The following STXBP5L variants were observed in gnomAD, a reference collection of about 807,000 sequenced individuals.
The protein encoded by STXBP5L is syntaxin-binding protein 5-like.
A neutral mutation model predicts 144.5 loss-of-function variants in STXBP5L; 65 were observed. That is an observed-to-expected ratio of 0.45 (90% confidence interval 0.37 to 0.55). The LOEUF is 0.55. STXBP5L is among the 20% of genes least tolerant of loss of function. STXBP5L has a pLI of 0.00. For missense variants in STXBP5L, 1,298 were observed against 1,405.5 expected (o/e 0.92, Z 1.22); for synonymous variants, 505 against 469.6 (o/e 1.08, Z -0.97).
intron 2 of STXBP5L, among the ~76,000 whole-genome samples, chr3:120,945,073 A>G (rs1013753755): frequency 4.0e-5 from 6 of 151,866 alleles, no homozygotes. Context: ...TGTGTCCATC[A>G]CGTTCCTTAC....
intron 3 of STXBP5L, among the ~76,000 whole-genome samples, chr3:120,958,803 G>A (rs535652921): frequency 9.2e-5 from 14 of 152,286 alleles, no homozygotes; most frequent in Non-Finnish European, 1.6e-4. Context: ...ATATTATACT[G>A]AATGGGCAAA....
intron 3 of STXBP5L, among the ~76,000 whole-genome samples, chr3:120,962,719 C>A (rs1199306751): frequency 1.3e-5 from 2 of 152,170 alleles, no homozygotes; most frequent in Non-Finnish European, 2.9e-5. Context: ...ATGATGGCTC[C>A]AGCTTTGTTC....
At chr3:121,212,984 T>C (rs111412002) in intron 10 of STXBP5L, among the ~76,000 whole-genome samples, 22,060 of 152,196 alleles carry the variant, frequency 0.14, 1,772 homozygotes, top group Non-Finnish European at 0.19. Flanking sequence ...CAATTGTGAA[T>C]GTAAGTTCAC....
At chr3:121,278,432 G>A (rs985566987) in intron 18 of STXBP5L, among the ~76,000 whole-genome samples, 1 of 151,650 alleles carries the variant, frequency 6.6e-6, no homozygotes, top group Admixed American at 6.6e-5. Flanking sequence ...ATTATTTATG[G>A]TATATAGAAT....
intron 20 of STXBP5L, among the ~76,000 whole-genome samples, chr3:121,333,371 A>C (rs1264512570): frequency 6.6e-6 from 1 of 152,174 alleles, no homozygotes; most frequent in Non-Finnish European, 1.5e-5. Context: ...GACACGGCTA[A>C]GTCAGTGTTA....
intron 15 of STXBP5L, among the ~76,000 whole-genome samples, chr3:121,253,810 CTTTTTTTT>C (rs34678687): frequency 1.1e-5 from 1 of 95,080 alleles, no homozygotes; most frequent in Non-Finnish European, 1.9e-5. Flanking sequence ...TTTTTTTTTT[CTTTTTTTT>C]TTTTTTTTGT....
chr3:121,087,226 A>C (rs529833874), intron 5 of STXBP5L, among the ~76,000 whole-genome samples: 2 of 152,066 alleles, frequency 1.3e-5, no homozygotes, highest in Non-Finnish European at 2.9e-5. Flanking sequence ...CTTGCATTCT[A>C]TATCCTTACT....
At chr3:121,098,945 C>T (rs907220738) in intron 5 of STXBP5L, among the ~76,000 whole-genome samples, 2 of 152,158 alleles carry the variant, frequency 1.3e-5, no homozygotes, top group Non-Finnish European at 2.9e-5. Context: ...CCTCCCACCT[C>T]ACAGATCCTG....
chr3:120,966,593 C>T (rs539936658), intron 3 of STXBP5L, among the ~76,000 whole-genome samples: 4 of 152,268 alleles, frequency 2.6e-5, no homozygotes, highest in African/African-American at 7.2e-5. Flanking sequence ...GTCCTGTTTG[C>T]CTGGGTATCA....
At chr3:120,920,448 G>A (rs1301326297) in intron 2 of STXBP5L, among the ~76,000 whole-genome samples, 1 of 151,640 alleles carries the variant, frequency 6.6e-6, no homozygotes. Context: ...TATCAAATCA[G>A]TATAATTGGG....
At chr3:121,168,046 G>T (rs555350675) in intron 9 of STXBP5L, among the ~76,000 whole-genome samples, 1 of 152,266 alleles carries the variant, frequency 6.6e-6, no homozygotes, top group Non-Finnish European at 1.5e-5. Context: ...AACAGGGTCT[G>T]GAGTGGACCT....
At chr3:121,287,073 C>T (rs552283075) in intron 19 of STXBP5L, among the ~76,000 whole-genome samples, 83 of 152,262 alleles carry the variant, frequency 5.5e-4, no homozygotes, top group Middle Eastern at 3.4e-3. Context: ...ACATATGATG[C>T]AGCTATCCAG....
In STXBP5L at chr3:121,201,421, A is replaced by T. The variant is rs145897098; in HGVS notation, c.878-4502A>T. Among the ~76,000 whole-genome samples, 907 of 152,180 alleles carry T rather than the reference A, an allele frequency of 6.0e-3. 3 individuals carry two copies. The highest frequency in any genetic ancestry group is 0.031 in the Middle Eastern group (9 of 294). On this transcript the variant is annotated intron_variant, in intron 9 of 26. Transcript: ENST00000471454. ...GCCTAAGTATGTCTTTACATGTGAGATGGGTCTCCTGATGCAGCACATCGA... is the reference window on the plus strand; with the variant it reads ...GCCTAAGTATGTCTTTACATGTGAGTTGGGTCTCCTGATGCAGCACATCGA...
At chr3:121,023,531 G>A (rs751582482) in intron 3 of STXBP5L, among the ~76,000 whole-genome samples, 3 of 152,118 alleles carry the variant, frequency 2.0e-5, no homozygotes, top group Non-Finnish European at 4.4e-5. Flanking sequence ...AGTGGTATTG[G>A]TATAAAAATA....
intron 5 of STXBP5L, among the ~76,000 whole-genome samples, chr3:121,048,853 C>T (rs1947715667): frequency 2.6e-5 from 4 of 152,046 alleles, no homozygotes; most frequent in Admixed American, 2.6e-4. Context: ...GGTCAAGAGG[C>T]ACTGCCCAGT....
intron 22 of STXBP5L, among the ~76,000 whole-genome samples, chr3:121,405,716 G>T (rs1486648274): frequency 6.6e-6 from 1 of 152,096 alleles, no homozygotes; most frequent in East Asian, 1.9e-4. Flanking sequence ...AGTTGGAAAA[G>T]ATTAAAGAAA....
intron 20 of STXBP5L, among the ~76,000 whole-genome samples, chr3:121,325,928 TC>T (rs759713123): frequency 1.3e-5 from 2 of 151,674 alleles, no homozygotes; most frequent in Non-Finnish European, 3.0e-5. Flanking sequence ...TGAACCCAAG[TC>T]TTCAGGTCTT....
intron 20 of STXBP5L, among the ~76,000 whole-genome samples, chr3:121,341,396 G>A (rs2044705964): frequency 6.6e-6 from 1 of 152,174 alleles, no homozygotes; most frequent in South Asian, 2.1e-4. Flanking sequence ...TGACAAGGAT[G>A]TGTAGAAAAG....
intron 9 of STXBP5L, among the ~76,000 whole-genome samples, chr3:121,181,700 T>G (rs1015077866): frequency 6.6e-6 from 1 of 152,112 alleles, no homozygotes; most frequent in Non-Finnish European, 1.5e-5. Context: ...ATTGTGCCAC[T>G]GCACTCCAGC....
Sources: allele counts gnomAD v4.1 joint callset (sites outside exome capture counted in the v4.1 genomes callset), GRCh38; gene constraint gnomAD v4.1.1; transcripts MANE v1.5; gene names NCBI Gene and HGNC (gene_info 2026-07-23, HGNC 2026-07-21).